Variants in TAOK3 observed in about 807,000 individuals in gnomAD.
The protein encoded by TAOK3 is serine/threonine-protein kinase TAO3.
TAOK3 carries 40 observed loss-of-function variants against 120.4 expected under a neutral mutation model. The ratio of observed to expected loss-of-function variants is 0.33; its 90% CI spans 0.26 to 0.43. The LOEUF is 0.43. Ranked by LOEUF, TAOK3 falls within the 20% of genes least tolerant of loss-of-function variation. The pLI is 1.00. For missense variants in TAOK3, 821 were observed against 1,112.1 expected (o/e 0.74, Z 3.72); for synonymous variants, 355 against 387.5 (o/e 0.92, Z 0.99).
rs561765829 is a variant in TAOK3, at chr12:118,309,233, G to A, written c.-193-42474C>T. Among the ~76,000 whole-genome samples the A allele has an allele frequency of 4.6e-5, 7 of 150,962 alleles. No individual in the cohort carries two copies. The East Asian group carries it at 1.4e-3, about 30-fold the overall frequency. On this transcript the variant is annotated intron_variant, in intron 1 of 20. Coordinates refer to ENST00000392533, the MANE Select transcript of TAOK3 (RefSeq NM_016281.4). ...AATCCCAGCTACTTGGGAGGCTGAG[G>A]CAGGAAGAATTGCTTGAACCCAGAG...
At chr12:118,224,742 G>A (rs980299076) in intron 9 of TAOK3, among the ~76,000 whole-genome samples, 5 of 152,116 alleles carry the variant, frequency 3.3e-5, no homozygotes, top group African/African-American at 9.7e-5. Flanking sequence ...TAGGAAAGAA[G>A]GACAGTGTCA....
At chr12:118,253,794 C>G (rs2040862622) in intron 3 of TAOK3, among the ~76,000 whole-genome samples, 1 of 149,666 alleles carries the variant, frequency 6.7e-6, no homozygotes, top group Non-Finnish European at 1.5e-5. Context: ...TGGCTCACGC[C>G]TGTAATCCCA....
chr12:118,289,541 C>T (rs1488147283), intron 1 of TAOK3, among the ~76,000 whole-genome samples: 2 of 151,912 alleles, frequency 1.3e-5, no homozygotes, highest in African/African-American at 4.8e-5. Flanking sequence ...AATATGTTTC[C>T]AAAGACTCTT....
intron 1 of TAOK3, among the ~76,000 whole-genome samples, chr12:118,303,681 CTT>C (rs893916951): frequency 4.6e-5 from 7 of 152,132 alleles, no homozygotes; most frequent in Non-Finnish European, 7.3e-5. Context: ...GAGTTTTGCT[CTT>C]GTCACCCAGG....
At chr12:118,179,947 GT>G (rs34157387) in intron 15 of TAOK3, among the ~76,000 whole-genome samples, 98 of 118,146 alleles carry the variant, frequency 8.3e-4, no homozygotes, top group Middle Eastern at 6.3e-3. Flanking sequence ...TGCCTGGCTG[GT>G]TTTTTTTTTT....
intron 9 of TAOK3, among the ~76,000 whole-genome samples, chr12:118,227,974 TATAAC>T (rs2039587358): frequency 1.3e-5 from 2 of 152,172 alleles, no homozygotes. Context: ...TGTAGAATAT[TATAAC>T]AGACACCTAT....
chr12:118,249,515 T>C (rs1279897303), intron 3 of TAOK3, among the ~76,000 whole-genome samples: 6 of 149,602 alleles, frequency 4.0e-5, no homozygotes, highest in African/African-American at 1.5e-4. Flanking sequence ...TCAGCCAAGA[T>C]TGCACCACTG....
At chr12:118,262,826 C>CAAAAAAAAAAAA (rs61453663) in intron 2 of TAOK3, among the ~76,000 whole-genome samples, 1 of 73,810 alleles carries the variant, frequency 1.4e-5, no homozygotes, top group Admixed American at 1.6e-4. Context: ...GACTCCGTCT[C>CAAAAAAAAAAAA]AAAAAAAAAA....
At chr12:118,291,108 G>A (rs1202233084) in intron 1 of TAOK3, among the ~76,000 whole-genome samples, 3 of 151,484 alleles carry the variant, frequency 2.0e-5, no homozygotes, top group South Asian at 2.1e-4. Flanking sequence ...TGTCTGCCTC[G>A]GCGTCCGAAA....
chr12:118,162,176 T>A, intron 17 of TAOK3, 149 bp from the exon 18 acceptor site: 1 of 1,058,182 alleles, frequency 9.5e-7, no homozygotes, highest in East Asian at 2.5e-5. Context: ...CTTAATGAGA[T>A]TAAATTAACA....
At chr12:118,350,242 T>C (rs2045073977) in intron 1 of TAOK3, among the ~76,000 whole-genome samples, 1 of 152,180 alleles carries the variant, frequency 6.6e-6, no homozygotes, top group South Asian at 2.1e-4. Context: ...TACAGAGTTA[T>C]TTAATTCCAA....
chr12:118,314,342 T>TA (rs2043372454), intron 1 of TAOK3, among the ~76,000 whole-genome samples: 1 of 152,288 alleles, frequency 6.6e-6, no homozygotes, highest in Admixed American at 6.5e-5. Context: ...AAATATCTTT[T>TA]AAAAATACTA....
intron 11 of TAOK3, among the ~76,000 whole-genome samples, chr12:118,210,989 G>A (rs2038600738): frequency 1.3e-5 from 2 of 151,996 alleles, no homozygotes; most frequent in African/African-American, 4.8e-5. Flanking sequence ...CTCCCACCTT[G>A]GCCTCCCAAA....
At chr12:118,327,836 C>A (rs2043992963) in intron 1 of TAOK3, among the ~76,000 whole-genome samples, 1 of 151,914 alleles carries the variant, frequency 6.6e-6, no homozygotes, top group Non-Finnish European at 1.5e-5. Flanking sequence ...AATTTTAGAC[C>A]CATTTTGACT....
chr12:118,177,133 G>A, intron 16 of TAOK3, 68 bp downstream of exon 16: 1 of 1,505,126 alleles, frequency 6.6e-7, no homozygotes, highest in East Asian at 2.3e-5. Flanking sequence ...CACAATGCAA[G>A]ATGAGTGAAT....
intron 13 of TAOK3, chr12:118,198,782 T>C: frequency 2.2e-6 from 1 of 457,152 alleles, no homozygotes; most frequent in Non-Finnish European, 4.0e-6. Flanking sequence ...AGATTATTGG[T>C]TTAGAGAAGG....
chr12:118,154,731 G>A lies in TAOK3; in HGVS notation c.2353-2322C>T, dbSNP rs376174943. Reference sequence around the variant, plus strand: ...ACTGGGATTATAGGTGTGAGCCACCGTGCCCAGCTCCATTAAAAAGTTTTA... The same window carrying A: ...ACTGGGATTATAGGTGTGAGCCACCATGCCCAGCTCCATTAAAAAGTTTTA... On this transcript the variant is annotated intron_variant, in intron 19 of 20. Transcript: ENST00000392533. Among the ~76,000 whole-genome samples the A allele has an allele frequency of 7.2e-5, 11 of 152,114 alleles. No homozygotes were observed. In the South Asian group the frequency reaches 8.3e-4, roughly 11 times the overall value.
At chr12:118,199,423 C>T in intron 12 of TAOK3, 166 bp from the exon 13 acceptor site, 1 of 625,374 alleles carries the variant, frequency 1.6e-6, no homozygotes, top group Non-Finnish European at 2.9e-6. Context: ...CCACCATTTT[C>T]ATACATCTCA....
chr12:118,255,667 T>C lies in TAOK3; in HGVS notation c.-88-12A>G. On this transcript the variant is annotated splice_polypyrimidine_tract_variant and intron_variant, in intron 2 of 20. Coordinates refer to ENST00000392533, the MANE Select transcript of TAOK3 (RefSeq NM_016281.4). ...TAAATCTTCAGTACCTGTAGAAAAA[T>C]AAGGTTTGCCATTAAATTATTTCTA... 2.4e-6 allele frequency: 3 copies of C among 1,267,106 alleles called. No homozygotes were observed. Among genetic ancestry groups the C allele is most frequent in the South Asian group, 3.2e-5 (2 of 61,734 alleles). 78.5% of individuals were successfully genotyped at this position (1,267,106 alleles called of 1,614,324 possible).
Sources: gnomAD v4.1 joint callset for allele counts (sites outside exome capture counted in the v4.1 genomes callset) on GRCh38, gnomAD v4.1.1 for gene constraint, MANE v1.5 for transcripts, NCBI Gene and HGNC (gene_info 2026-07-23, HGNC 2026-07-21) for gene names.